NALCN: variants seen among roughly 807,000 people sequenced by gnomAD.
NALCN encodes sodium leak channel NALCN.
A neutral mutation model predicts 225.3 loss-of-function variants in NALCN; 111 were observed. The ratio of observed to expected loss-of-function variants is 0.49; its 90% CI spans 0.42 to 0.58. The LOEUF is 0.58. Ranked by LOEUF, NALCN falls within the 20% of genes least tolerant of loss-of-function variation. The pLI is 0.00. For synonymous variants in NALCN, 764 were observed against 769.0 expected, an observed-to-expected ratio of 0.99 and a Z score of 0.11; for missense variants, 1,378 against 2,202.4, an observed-to-expected ratio of 0.63 and a Z score of 7.49.
At position 101,209,806 on chromosome 13, in the gene NALCN, G is replaced by A. The variant is rs202212935; in HGVS notation, c.1627-17752C>T. Among the ~76,000 whole-genome samples the A allele has an allele frequency of 1.3e-3, 192 of 152,236 alleles. 3 individuals are homozygous for A. The East Asian group carries it at 0.026, about 21-fold the overall frequency. On this transcript the variant is annotated intron_variant, in intron 13 of 43. Coordinates refer to ENST00000251127, the MANE Select transcript of NALCN (RefSeq NM_052867.4). ...ATGACTTGGTTTATCCCAAGAGACAGCAAATGTGACATTTGTCTAGAATGT... is the reference window on the plus strand; with the variant it reads ...ATGACTTGGTTTATCCCAAGAGACAACAAATGTGACATTTGTCTAGAATGT...
intron 11 of NALCN, among the ~76,000 whole-genome samples, chr13:101,254,751 C>A (rs1412653105): frequency 8.5e-6 from 1 of 117,136 alleles, no homozygotes; most frequent in African/African-American, 2.9e-5. Flanking sequence ...ATTAGCCGGG[C>A]GTAGTGGCGG....
chr13:101,364,804 T>C (rs1316580298), intron 6 of NALCN, among the ~76,000 whole-genome samples: 8 of 152,292 alleles, frequency 5.3e-5, no homozygotes, highest in African/African-American at 1.9e-4. Flanking sequence ...GATTTGATTA[T>C]TATGCCTTAC....
At chr13:101,266,004 C>T (rs565634786) in intron 10 of NALCN, among the ~76,000 whole-genome samples, 53 of 152,310 alleles carry the variant, frequency 3.5e-4, no homozygotes, top group Non-Finnish European at 6.9e-4. Flanking sequence ...AATGGAATAT[C>T]AATTTTGAAG....
intron 10 of NALCN, among the ~76,000 whole-genome samples, chr13:101,283,710 C>G (rs1355677939): frequency 1.3e-5 from 2 of 151,760 alleles, no homozygotes; most frequent in African/African-American, 2.4e-5. Context: ...CTGAAATGCT[C>G]TTACATGCCT....
intron 7 of NALCN, among the ~76,000 whole-genome samples, chr13:101,328,905 T>C (rs147795418): frequency 6.6e-6 from 1 of 152,304 alleles, no homozygotes; most frequent in African/African-American, 2.4e-5. Flanking sequence ...ATACTCACTA[T>C]TGTAGCTCTA....
At chr13:101,074,735 AG>A in intron 35 of NALCN, 73 bp from the exon 36 acceptor site, 1 of 1,485,928 alleles carries the variant, frequency 6.7e-7, no homozygotes, top group Non-Finnish European at 8.9e-7. Flanking sequence ...AGAGAGAGAG[AG>A]AGAGAGAATA....
At chr13:101,409,489 C>T (rs1250372843) in intron 1 of NALCN, among the ~76,000 whole-genome samples, 10 of 152,150 alleles carry the variant, frequency 6.6e-5, no homozygotes. Context: ...CACCGTCCTA[C>T]CCTGTGCTGA....
chr13:101,088,041 C>A (rs889736183), intron 30 of NALCN, among the ~76,000 whole-genome samples: 2 of 151,948 alleles, frequency 1.3e-5, no homozygotes, highest in African/African-American at 4.8e-5. Flanking sequence ...GTATTAAACT[C>A]AACACTGTAG....
rs1313321528 is a variant in NALCN at position 101,095,488 on chromosome 13, T to G, written c.3269+86A>C. 4.7e-6 allele frequency: 5 copies of G among 1,055,648 alleles called. No homozygotes were observed. The East Asian group carries it at 1.2e-4, about 26-fold the overall frequency. 65.4% of individuals were successfully genotyped at this position (1,055,648 alleles called of 1,614,324 possible). ...TTTAACATCTCTAGCAAAACTACTT[T>G]TAGTTACATGCCATATGATACTTAT... On this transcript the variant is annotated intron_variant, in intron 28 of 43. Coordinates refer to ENST00000251127, the MANE Select transcript of NALCN (RefSeq NM_052867.4).
intron 40 of NALCN, 54 bp from the exon 41 acceptor site, chr13:101,062,172 C>T (rs2032006082): frequency 6.9e-6 from 11 of 1,585,290 alleles, no homozygotes; most frequent in Non-Finnish European, 7.7e-6. Context: ...GAGATTTACA[C>T]CCTTAGATAC....
chr13:101,338,079 T>C (rs1460294551), intron 7 of NALCN, among the ~76,000 whole-genome samples: 1 of 152,204 alleles, frequency 6.6e-6, no homozygotes, highest in Non-Finnish European at 1.5e-5. Context: ...TGACAGTAAT[T>C]ACAAAAGTAA....
At chr13:101,115,824 T>A (rs918861468) in intron 18 of NALCN, among the ~76,000 whole-genome samples, 1 of 152,146 alleles carries the variant, frequency 6.6e-6, no homozygotes, top group African/African-American at 2.4e-5. Context: ...TTTAACATCT[T>A]CCCTAGATCT....
At chr13:101,238,373 T>C (rs1252286387) in intron 11 of NALCN, among the ~76,000 whole-genome samples, 3 of 152,012 alleles carry the variant, frequency 2.0e-5, no homozygotes, top group Middle Eastern at 3.4e-3. Context: ...TTTATTCCTT[T>C]ATGCTTTAGG....
chr13:101,274,636 C>T (rs1277570727), intron 10 of NALCN, among the ~76,000 whole-genome samples: 5 of 152,026 alleles, frequency 3.3e-5, no homozygotes, highest in Admixed American at 2.0e-4. Flanking sequence ...TTTTTAAATG[C>T]AAGGAAATCG....
intron 6 of NALCN, among the ~76,000 whole-genome samples, chr13:101,352,324 C>T (rs914390111): frequency 6.6e-6 from 1 of 152,086 alleles, no homozygotes; most frequent in Non-Finnish European, 1.5e-5. Context: ...CTGGGAAAAC[C>T]TTGCAATAGG....
At chr13:101,350,892 G>T (rs1215448528) in intron 6 of NALCN, among the ~76,000 whole-genome samples, 2 of 152,060 alleles carry the variant, frequency 1.3e-5, no homozygotes, top group Non-Finnish European at 2.9e-5. Context: ...AAATTTCCAG[G>T]CTGCCCTGAA....
At chr13:101,111,015 C>A in intron 19 of NALCN, 110 bp downstream of exon 19, 2 of 1,068,516 alleles carry the variant, frequency 1.9e-6, no homozygotes, top group Admixed American at 2.1e-5. Context: ...ATTCCTCAGC[C>A]ATGCCTGTCT....
intron 6 of NALCN, among the ~76,000 whole-genome samples, chr13:101,353,688 T>A (rs568817231): frequency 8.5e-5 from 13 of 152,324 alleles, no homozygotes; most frequent in African/African-American, 2.6e-4. Flanking sequence ...AAATAAGTTG[T>A]AAAACTGAGT....
intron 7 of NALCN, among the ~76,000 whole-genome samples, chr13:101,301,706 G>A (rs825903): frequency 0.11 from 16,519 of 148,054 alleles, 984 homozygotes; most frequent in African/African-American, 0.16. Context: ...CGGGGACAGA[G>A]CAAGACTCTG....
Sources: allele counts gnomAD v4.1 joint callset (sites outside exome capture counted in the v4.1 genomes callset), GRCh38; gene constraint gnomAD v4.1.1; transcripts MANE v1.5; gene names NCBI Gene and HGNC (gene_info 2026-07-23, HGNC 2026-07-21).